Variants in PTPRD observed in about 807,000 individuals in gnomAD.
PTPRD encodes protein tyrosine phosphatase receptor type D, also known as receptor-type tyrosine-protein phosphatase delta.
A neutral mutation model predicts 214.5 loss-of-function variants in PTPRD; 34 were observed. The ratio of observed to expected loss-of-function variants is 0.16; its 90% CI spans 0.12 to 0.21. The LOEUF is 0.21. Ranked by LOEUF, PTPRD falls within the 10% of genes least tolerant of loss-of-function variation. PTPRD has a pLI of 1.00. For missense variants in PTPRD, 2,545 were observed against 2,398.7 expected, an observed-to-expected ratio of 1.06 and a Z score of -1.27; for synonymous variants, 1,128 against 845.7, an observed-to-expected ratio of 1.33 and a Z score of -5.79.
chr9:10,228,811 T>G (rs901652604), intron 3 of PTPRD, among the ~76,000 whole-genome samples: 1 of 150,696 alleles, frequency 6.6e-6, no homozygotes, highest in Non-Finnish European at 1.5e-5. Flanking sequence ...TATATGTAAC[T>G]TTATATAGAT....
intron 10 of PTPRD, among the ~76,000 whole-genome samples, chr9:9,047,243 G>A (rs1467588946): frequency 1.3e-5 from 2 of 151,940 alleles, no homozygotes; most frequent in Non-Finnish European, 1.5e-5. Flanking sequence ...ACTGATGAAA[G>A]AAATTGAAGA....
At chr9:9,194,651 G>C (rs937854224) in intron 9 of PTPRD, among the ~76,000 whole-genome samples, 1 of 152,128 alleles carries the variant, frequency 6.6e-6, no homozygotes, top group South Asian at 2.1e-4. Context: ...AATGTGCAAA[G>C]GCAAATAAGA....
chr9:10,242,102 A>G (rs2091192400), intron 3 of PTPRD, among the ~76,000 whole-genome samples: 1 of 151,940 alleles, frequency 6.6e-6, no homozygotes, highest in African/African-American at 2.4e-5. Flanking sequence ...GGAAAACCTG[A>G]AAACAAAAGA....
chr9:8,847,150 T>C (rs946210050), intron 11 of PTPRD, among the ~76,000 whole-genome samples: 2 of 151,264 alleles, frequency 1.3e-5, no homozygotes, highest in East Asian at 2.0e-4. Flanking sequence ...AAATTCAAAA[T>C]TGAAATTAAT....
intron 14 of PTPRD, among the ~76,000 whole-genome samples, chr9:8,591,146 C>T (rs1470886099): frequency 6.6e-6 from 1 of 152,168 alleles, no homozygotes; most frequent in Admixed American, 6.6e-5. Context: ...ACATTAGGCT[C>T]ACCTGGATAA....
intron 10 of PTPRD, among the ~76,000 whole-genome samples, chr9:9,124,834 A>G (rs747915961): frequency 1.4e-4 from 22 of 152,236 alleles, no homozygotes; most frequent in Middle Eastern, 3.2e-3. Context: ...AATTTTCCCT[A>G]TATTACACAG....
intron 2 of PTPRD, among the ~76,000 whole-genome samples, chr9:10,489,089 T>C (rs1199516000): frequency 6.6e-6 from 1 of 152,126 alleles, no homozygotes; most frequent in Admixed American, 6.6e-5. Context: ...CCAGCAAGTC[T>C]AAGAGTCTCA....
At chr9:9,739,763 G>A (rs1015722860) in intron 6 of PTPRD, among the ~76,000 whole-genome samples, 2 of 151,056 alleles carry the variant, frequency 1.3e-5, no homozygotes, top group Non-Finnish European at 3.0e-5. Flanking sequence ...ATATGTGCTG[G>A]GTCCTTCCTA....
intron 2 of PTPRD, among the ~76,000 whole-genome samples, chr9:10,420,917 A>C (rs1473533346): frequency 1.3e-5 from 2 of 151,734 alleles, no homozygotes; most frequent in African/African-American, 4.8e-5. Context: ...CTGTTACAGA[A>C]ATTGTCTCAT....
intron 9 of PTPRD, among the ~76,000 whole-genome samples, chr9:9,278,589 C>T (rs1946510080): frequency 6.6e-6 from 1 of 151,200 alleles, no homozygotes; most frequent in South Asian, 2.1e-4. Context: ...TAAGTAGGAC[C>T]TCACTCTGAG....
rs931845969 is a variant in PTPRD, at chr9:8,843,503, G to A, written c.-103-109557C>T. ...TACAACTTAGTGCAACACGGGAAAC[G>A]TTCTATGTCGGTGCTGGTTCTATAT... On this transcript the variant is annotated intron_variant, in intron 11 of 45. Coordinates refer to ENST00000381196, the MANE Select transcript of PTPRD (RefSeq NM_002839.4). Among the ~76,000 whole-genome samples the A allele has an allele frequency of 3.3e-5, 5 of 152,278 alleles. No homozygotes were observed. In the South Asian group the frequency reaches 6.2e-4, roughly 19 times the overall value.
intron 3 of PTPRD, among the ~76,000 whole-genome samples, chr9:10,259,367 C>T (rs1035360554): frequency 6.6e-6 from 1 of 152,128 alleles, no homozygotes; most frequent in Non-Finnish European, 1.5e-5. Flanking sequence ...CTTTTTCTTC[C>T]TCACCAATAT....
chr9:9,527,267 G>T (rs2074345418), intron 8 of PTPRD, among the ~76,000 whole-genome samples: 1 of 152,090 alleles, frequency 6.6e-6, no homozygotes, highest in Non-Finnish European at 1.5e-5. Context: ...AGTGTCTGTT[G>T]TGAAACCTAT....
intron 7 of PTPRD, among the ~76,000 whole-genome samples, chr9:9,657,892 T>C (rs1027607847): frequency 3.3e-5 from 5 of 152,162 alleles, no homozygotes; most frequent in South Asian, 2.1e-4. Context: ...AACAGTGAGA[T>C]TTTCCCCCCG....
chr9:8,551,247 A>ATT (rs1272771984), intron 14 of PTPRD, among the ~76,000 whole-genome samples: 3 of 152,220 alleles, frequency 2.0e-5, no homozygotes, highest in African/African-American at 7.2e-5. Context: ...ATATTTTGTA[A>ATT]TTAAATTTTT....
At chr9:9,414,176 C>A (rs1196962992) in intron 8 of PTPRD, among the ~76,000 whole-genome samples, 1 of 152,202 alleles carries the variant, frequency 6.6e-6, no homozygotes, top group Non-Finnish European at 1.5e-5. Flanking sequence ...TTCTGAGTGC[C>A]TGAAAGGCAA....
At chr9:8,728,000 C>T (rs1223865290) in intron 12 of PTPRD, among the ~76,000 whole-genome samples, 1 of 152,182 alleles carries the variant, frequency 6.6e-6, no homozygotes, top group Non-Finnish European at 1.5e-5. Flanking sequence ...GTAATCCCAG[C>T]AATTTGGGAG....
At chr9:9,047,500 C>G (rs1291460857) in intron 10 of PTPRD, among the ~76,000 whole-genome samples, 1 of 152,036 alleles carries the variant, frequency 6.6e-6, no homozygotes, top group Non-Finnish European at 1.5e-5. Flanking sequence ...TGATTTCAGA[C>G]TATACTACAG....
chr9:8,658,565 G>C (rs191426886), intron 12 of PTPRD, among the ~76,000 whole-genome samples: 1 of 151,432 alleles, frequency 6.6e-6, no homozygotes, highest in African/African-American at 2.4e-5. Context: ...CCTCCAAGAG[G>C]ACTAGATTCT....
Sources: gnomAD v4.1 joint callset for allele counts (sites outside exome capture counted in the v4.1 genomes callset) on GRCh38, gnomAD v4.1.1 for gene constraint, MANE v1.5 for transcripts, NCBI Gene and HGNC (gene_info 2026-07-23, HGNC 2026-07-21) for gene names.